Variants in OIT3 observed in about 807,000 individuals in gnomAD.
The protein encoded by OIT3 is oncoprotein induced transcript 3.
Under a neutral mutation model 52.2 loss-of-function variants are expected in OIT3, and 41 were observed. The ratio of observed to expected loss-of-function variants is 0.79; its 90% CI spans 0.61 to 1.02. OIT3 has a LOEUF of 1.02. OIT3 is among the 50% of genes least tolerant of loss of function. The probability of loss-of-function intolerance (pLI) is 0.00; values close to 1 mark genes in which losing one functional copy is unlikely to be tolerated. For synonymous variants in OIT3, 244 were observed against 276.9 expected, an observed-to-expected ratio of 0.88 and a Z score of 1.18; for missense variants, 634 against 715.5, an observed-to-expected ratio of 0.89 and a Z score of 1.30.
chr10:72,912,356 C>T (rs1846037140), intron 5 of OIT3, among the ~76,000 whole-genome samples: 1 of 150,124 alleles, frequency 6.7e-6, no homozygotes, highest in Admixed American at 6.6e-5. Flanking sequence ...CTGCAACCTC[C>T]ACCTCCTGGG....
Position 72,909,073 on chromosome 10 carries a change from T to C in OIT3, c.667+2355T>C, listed in dbSNP as rs112014073. ...TAGTACCCAATAGGTAGTTTTTCAA[T>C]CCTCACCCTGCTCCCTCCTCCTACC... On this transcript the variant is annotated intron_variant, in intron 4 of 8. Coordinates refer to ENST00000334011, the MANE Select transcript of OIT3 (RefSeq NM_152635.3). Among the ~76,000 whole-genome samples the C allele has an allele frequency of 2.9e-3, 445 of 151,356 alleles. 3 individuals are homozygous for C. Among genetic ancestry groups the C allele is most frequent in the African/African-American group, 1.0e-2 (413 of 41,316 alleles).
intron 7 of OIT3, among the ~76,000 whole-genome samples, chr10:72,926,597 T>C (rs1265274988): frequency 6.6e-6 from 1 of 152,228 alleles, no homozygotes; most frequent in Non-Finnish European, 1.5e-5. Context: ...TCTCAGAAGG[T>C]GTGCTTCCAG....
intron 3 of OIT3, among the ~76,000 whole-genome samples, chr10:72,905,499 G>A (rs1259486626): frequency 6.6e-6 from 1 of 152,060 alleles, no homozygotes; most frequent in Non-Finnish European, 1.5e-5. Context: ...ATGAGATTTG[G>A]AGGGGTCAAA....
Position 72,911,796 on chromosome 10 carries a change from TC to T in OIT3, c.751del (p.Arg251GlyfsTer25). 6.2e-7 allele frequency: 1 copy of T among 1,613,730 alleles called. No individual in the cohort carries two copies. The highest frequency in any genetic ancestry group is 8.5e-7 in the Non-Finnish European group (1 of 1,179,782). On this transcript the variant is annotated frameshift_variant, in exon 5 of 9. Coordinates refer to ENST00000334011, the MANE Select transcript of OIT3 (RefSeq NM_152635.3). LOFTEE classifies it high-confidence loss of function. ...CTGAGAAAGGCTACCAGTGTGAATG[TC>T]CCCGGGGCCTGGTGCTGTCTGAGGA... ...GSEKGYQCEC[P>X]RGLVLSEDNH... is the part of the protein sequence containing the mutation.
intron 5 of OIT3, among the ~76,000 whole-genome samples, chr10:72,913,050 G>T (rs1008531578): frequency 2.6e-5 from 4 of 152,140 alleles, no homozygotes; most frequent in Admixed American, 6.6e-5. Context: ...TCTACACTTC[G>T]AAACCAATGT....
chr10:72,902,435 C>A (rs1276012264), intron 3 of OIT3, among the ~76,000 whole-genome samples: 1 of 152,106 alleles, frequency 6.6e-6, no homozygotes, highest in Non-Finnish European at 1.5e-5. Context: ...TTCCCTCTTC[C>A]CCAACTCCAT....
In OIT3 at chr10:72,898,748, C is replaced by T. The variant is rs1374796208; in HGVS notation, c.146C>T (p.Pro49Leu). 2 of 1,614,102 alleles carry T rather than the reference C, an allele frequency of 1.2e-6. No homozygotes were observed. Residue 49 changes from proline (P) to leucine (L), a missense_variant, in exon 2 of 9, where the codon CCT (proline) becomes CTT (leucine). Coordinates refer to ENST00000334011, the MANE Select transcript of OIT3 (RefSeq NM_152635.3). Reference protein sequence around the residue: ...DHQLDESQGPPLCDNHVNGEW... With the variant: ...DHQLDESQGPLLCDNHVNGEW... ...CAGTTGGATGAGTCTCAAGGTCCTC[C>T]TCTATGTGACAACCATGTGAATGGG... is the stretch of plus-strand genomic sequence containing the variant.
rs2132947277 is a variant in OIT3 at position 72,924,536 on chromosome 10, T to C, written c.1259T>C (p.Ile420Thr). Residue 420 changes from isoleucine (I) to threonine (T), a missense_variant, in exon 7 of 9, where the codon ATT becomes ACT. Coordinates refer to ENST00000334011, the MANE Select transcript of OIT3 (RefSeq NM_152635.3). ...CTTCGTGACTCCCTCTACTTTGGCA[T>C]TGAGCCCGTGGTGCACGTGAGCGGC... Reference protein sequence around the residue: ...LKLRDSLYFGIEPVVHVSGLE... With the variant: ...LKLRDSLYFGTEPVVHVSGLE... The C allele has an allele frequency of 6.2e-7, 1 of 1,614,186 alleles. No homozygotes were observed. Among genetic ancestry groups the C allele is most frequent in the Non-Finnish European group, 8.5e-7 (1 of 1,180,024 alleles).
At chr10:72,918,692 A>G (rs1259922024) in intron 6 of OIT3, among the ~76,000 whole-genome samples, 1 of 152,186 alleles carries the variant, frequency 6.6e-6, no homozygotes, top group Non-Finnish European at 1.5e-5. Flanking sequence ...GAAGGGGTCC[A>G]GTTTCAATTT....
chr10:72,895,454 T>C (rs1291031196), intron 1 of OIT3, among the ~76,000 whole-genome samples: 1 of 152,040 alleles, frequency 6.6e-6, no homozygotes, highest in East Asian at 1.9e-4. Context: ...AAGGGGGAAC[T>C]TTGGGAACTA....
At chr10:72,922,716 A>G (rs1207501643) in intron 6 of OIT3, among the ~76,000 whole-genome samples, 3 of 151,958 alleles carry the variant, frequency 2.0e-5, no homozygotes, top group Admixed American at 2.0e-4. Context: ...CCCCATTCCA[A>G]ACCCTTGCTG....
intron 3 of OIT3, among the ~76,000 whole-genome samples, chr10:72,901,254 T>G (rs1352700723): frequency 6.6e-6 from 1 of 152,188 alleles, no homozygotes; most frequent in African/African-American, 2.4e-5. Flanking sequence ...ACAGCACTGG[T>G]CTGGTCTAGA....
In OIT3 at chr10:72,906,604, G is replaced by T. The variant is rs1014339422; in HGVS notation, c.553G>T (p.Glu185Ter). 6.2e-7 allele frequency: 1 copy of T among 1,613,988 alleles called. No homozygotes were observed. Among genetic ancestry groups the T allele is most frequent in the Admixed American group, 1.7e-5 (1 of 60,014 alleles). ...TGGTTTCTCTTCTGCAGATGAAAATGAATGTGAGCAAAACAACGGTGGCTG... is the reference window on the plus strand; with the variant it reads ...TGGTTTCTCTTCTGCAGATGAAAATTAATGTGAGCAAAACAACGGTGGCTG... ...PDRQTCFDEN[E>*]CEQNNGGCSE... The change falls in exon 4 of 9, where the codon GAA becomes TAA. Residue 185 changes from glutamate (E) to a stop codon, truncating the protein, a stop_gained. Transcript: ENST00000334011. LOFTEE classifies it high-confidence loss of function.
intron 4 of OIT3, among the ~76,000 whole-genome samples, chr10:72,909,843 C>T (rs1241336761): frequency 6.6e-6 from 1 of 152,086 alleles, no homozygotes; most frequent in Non-Finnish European, 1.5e-5. Context: ...CGTGTTCTTT[C>T]ACCATGTTGG....
At chr10:72,929,278 G>A (rs990172594) in intron 7 of OIT3, among the ~76,000 whole-genome samples, 3 of 151,766 alleles carry the variant, frequency 2.0e-5, no homozygotes, top group Admixed American at 6.6e-5. Context: ...CAGTTTAATC[G>A]GCTTTAATAT....
chr10:72,926,678 G>A (rs2132949217), intron 7 of OIT3, among the ~76,000 whole-genome samples: 1 of 152,244 alleles, frequency 6.6e-6, no homozygotes, highest in Non-Finnish European at 1.5e-5. Flanking sequence ...AGCTACTCTG[G>A]ACGGCCCGTA....
intron 4 of OIT3, among the ~76,000 whole-genome samples, chr10:72,907,752 C>A (rs1183753989): frequency 1.3e-5 from 2 of 152,044 alleles, no homozygotes; most frequent in Non-Finnish European, 2.9e-5. Context: ...ATAAAATAAT[C>A]TATTTTATTT....
chr10:72,917,963 A>G, intron 6 of OIT3: 1 of 863,366 alleles, frequency 1.2e-6, no homozygotes, highest in Non-Finnish European at 1.9e-6. Context: ...CTTTTTCTTC[A>G]GCTTCCTCAT....
intron 4 of OIT3, among the ~76,000 whole-genome samples, chr10:72,908,107 G>T (rs1488127735): frequency 1.3e-5 from 2 of 152,156 alleles, no homozygotes; most frequent in African/African-American, 2.4e-5. Flanking sequence ...GCTGGGCGTG[G>T]TGGCGGGCGC....
Sources: allele counts gnomAD v4.1 joint callset (sites outside exome capture counted in the v4.1 genomes callset), GRCh38; gene constraint gnomAD v4.1.1; transcripts MANE v1.5; gene names NCBI Gene and HGNC (gene_info 2026-07-23, HGNC 2026-07-21).